Variants in ERC2 observed in about 807,000 individuals in gnomAD.
ERC2 encodes ELKS/RAB6-interacting/CAST family member 2.
A neutral mutation model predicts 114.8 loss-of-function variants in ERC2; 42 were observed. The observed-to-expected ratio is 0.37, with a 90% CI of 0.29 to 0.47. The LOEUF (loss-of-function observed/expected upper bound fraction) is 0.47, where lower values mean the gene tolerates loss of function less well. Among genes scored for constraint, ERC2 ranks in the 20% least tolerant of loss-of-function variants. The pLI is 0.99. For synonymous variants in ERC2, 454 were observed against 425.5 expected (o/e 1.07, Z -0.82); for missense variants, 939 against 1,150.7 (o/e 0.82, Z 2.66).
intron 17 of ERC2, among the ~76,000 whole-genome samples, chr3:55,618,567 T>C (rs1575791766): frequency 6.6e-6 from 1 of 152,204 alleles, no homozygotes; most frequent in East Asian, 1.9e-4. Context: ...GTGTCCAACA[T>C]ACAATGTTAA....
chr3:55,633,003 CTATT>C (rs1221089267), intron 17 of ERC2, among the ~76,000 whole-genome samples: 1 of 152,160 alleles, frequency 6.6e-6, no homozygotes, highest in Non-Finnish European at 1.5e-5. Flanking sequence ...GTCCACCTGT[CTATT>C]TATCCATCTA....
At chr3:55,601,460 C>T (rs2058399963) in intron 17 of ERC2, among the ~76,000 whole-genome samples, 1 of 152,218 alleles carries the variant, frequency 6.6e-6, no homozygotes, top group Non-Finnish European at 1.5e-5. Flanking sequence ...TAAAAAGCTA[C>T]TCAGACTGCC....
rs76899694 is a variant in ERC2 at position 55,915,533 on chromosome 3, T to C, written c.2404-26984A>G. On this transcript the variant is annotated intron_variant, in intron 13 of 17. Coordinates refer to ENST00000288221, the MANE Select transcript of ERC2 (RefSeq NM_015576.3). Reference sequence around the variant, plus strand: ...ATTCTGTCACATGACAGCTATACATTTGGTTATGAGAAAAGTGAATTTGGA... The same window carrying C: ...ATTCTGTCACATGACAGCTATACATCTGGTTATGAGAAAAGTGAATTTGGA... 5.9e-3 allele frequency among the ~76,000 whole-genome samples: 896 copies of C among 152,274 alleles called. 4 individuals are homozygous for C. The highest frequency in any genetic ancestry group is 0.01 in the Middle Eastern group (3 of 294).
chr3:55,898,336 T>C (rs1415498981), intron 13 of ERC2, among the ~76,000 whole-genome samples: 1 of 152,136 alleles, frequency 6.6e-6, no homozygotes, highest in African/African-American at 2.4e-5. Context: ...TGTGTCACAG[T>C]TCTGCAGTGT....
intron 15 of ERC2, among the ~76,000 whole-genome samples, chr3:55,704,741 A>C (rs1396708087): frequency 6.6e-6 from 1 of 152,232 alleles, no homozygotes; most frequent in Non-Finnish European, 1.5e-5. Context: ...GAAGCTATTA[A>C]AGGAATGTGC....
intron 3 of ERC2, among the ~76,000 whole-genome samples, chr3:56,179,397 T>C (rs986403788): frequency 4.6e-5 from 7 of 152,106 alleles, no homozygotes; most frequent in Non-Finnish European, 8.8e-5. Context: ...CATTGGAAGG[T>C]CTGAGCAAAG....
At chr3:55,997,446 TTATAAA>T (rs1301258658) in intron 10 of ERC2, among the ~76,000 whole-genome samples, 3 of 150,586 alleles carry the variant, frequency 2.0e-5, no homozygotes, top group African/African-American at 7.3e-5. Flanking sequence ...TAATTCTAAG[TTATAAA>T]TAAAATATTA....
At chr3:56,285,573 A>G (rs564422604) in intron 3 of ERC2, among the ~76,000 whole-genome samples, 1 of 152,154 alleles carries the variant, frequency 6.6e-6, no homozygotes, top group South Asian at 2.1e-4. Flanking sequence ...CCCAGCTCAA[A>G]CAGATGCGAG....
In ERC2 at chr3:55,986,005, T is replaced by A; in HGVS notation, c.2256-17A>T. ...AGAGTCAAGCTGATTGGAGCAAGGG[T>A]GAAAGCAGCAATTTGGAGGATAAGC... On this transcript the variant is annotated splice_polypyrimidine_tract_variant and intron_variant, in intron 11 of 17. Transcript: ENST00000288221. The A allele has an allele frequency of 6.5e-7, 1 of 1,538,978 alleles. No homozygotes were observed. Among genetic ancestry groups the A allele is most frequent in the Non-Finnish European group, 8.7e-7 (1 of 1,147,838 alleles).
chr3:55,933,255 C>T lies in ERC2; in HGVS notation c.2403+17170G>A, dbSNP rs2066236347. Reference sequence around the variant, plus strand: ...AATAAAGAAAGTAACCATGCCCAATCTCAAATGCCAACCTTTAGGCTTAGA... The same window carrying T: ...AATAAAGAAAGTAACCATGCCCAATTTCAAATGCCAACCTTTAGGCTTAGA... On this transcript the variant is annotated intron_variant, in intron 13 of 17. Coordinates refer to ENST00000288221, the MANE Select transcript of ERC2 (RefSeq NM_015576.3). 2.6e-5 allele frequency among the ~76,000 whole-genome samples: 4 copies of T among 151,518 alleles called. No homozygotes were observed. In the South Asian group the frequency reaches 8.3e-4, roughly 32 times the overall value.
intron 13 of ERC2, among the ~76,000 whole-genome samples, chr3:55,900,445 T>A (rs1024836350): frequency 6.6e-6 from 1 of 152,172 alleles, no homozygotes; most frequent in Non-Finnish European, 1.5e-5. Flanking sequence ...AGGGTGGTGT[T>A]CTCAAACAAA....
intron 6 of ERC2, among the ~76,000 whole-genome samples, chr3:56,094,509 C>T (rs1243520157): frequency 6.6e-6 from 1 of 152,008 alleles, no homozygotes; most frequent in Admixed American, 6.6e-5. Flanking sequence ...GGGGATGGGA[C>T]CTTGGGGGAA....
chr3:56,167,509 C>T (rs772451949), intron 4 of ERC2, among the ~76,000 whole-genome samples: 2 of 152,070 alleles, frequency 1.3e-5, no homozygotes, highest in Non-Finnish European at 2.9e-5. Context: ...TAAGTGACAA[C>T]CATATATCAT....
At chr3:56,138,895 G>A (rs906138442) in intron 6 of ERC2, among the ~76,000 whole-genome samples, 1 of 152,288 alleles carries the variant, frequency 6.6e-6, no homozygotes, top group South Asian at 2.1e-4. Flanking sequence ...TTCTAAGCAT[G>A]AATAAGAGAT....
chr3:56,436,066 A>G (rs2062005276), intron 1 of ERC2, among the ~76,000 whole-genome samples: 1 of 152,174 alleles, frequency 6.6e-6, no homozygotes, highest in Non-Finnish European at 1.5e-5. Flanking sequence ...GTATCCCTTC[A>G]ATTTTAGCAC....
intron 17 of ERC2, among the ~76,000 whole-genome samples, chr3:55,650,370 C>G (rs9847625): frequency 5.3e-5 from 8 of 152,182 alleles, no homozygotes; most frequent in Non-Finnish European, 1.0e-4. Flanking sequence ...TCTCTCCCCC[C>G]ATCTCACTTG....
intron 3 of ERC2, among the ~76,000 whole-genome samples, chr3:56,246,031 AC>A (rs1386426608): frequency 6.6e-6 from 1 of 150,690 alleles, no homozygotes; most frequent in African/African-American, 2.4e-5. Context: ...CCTAAAAGCG[AC>A]TTCTTTTATC....
intron 2 of ERC2, among the ~76,000 whole-genome samples, chr3:56,304,810 C>A (rs2056114355): frequency 6.6e-6 from 1 of 152,068 alleles, no homozygotes. Context: ...AAAATTGTTA[C>A]AAACTAGAAA....
At chr3:56,219,880 A>G (rs1035722908) in intron 3 of ERC2, among the ~76,000 whole-genome samples, 1 of 152,150 alleles carries the variant, frequency 6.6e-6, no homozygotes, top group Non-Finnish European at 1.5e-5. Flanking sequence ...AATTTTTTTC[A>G]TCTCGCTGGG....
Sources: gnomAD v4.1 joint callset for allele counts (sites outside exome capture counted in the v4.1 genomes callset) on GRCh38, gnomAD v4.1.1 for gene constraint, MANE v1.5 for transcripts, NCBI Gene and HGNC (gene_info 2026-07-23, HGNC 2026-07-21) for gene names.